Variants in ELOVL5 observed in about 807,000 individuals in gnomAD.
ELOVL5 encodes ELOVL fatty acid elongase 5, also known as very long chain fatty acid elongase 5.
In ELOVL5, 8 loss-of-function variants were observed where a neutral mutation model predicts 38.6. The ratio of observed to expected loss-of-function variants is 0.21; its 90% confidence interval spans 0.12 to 0.37. The LOEUF is 0.37. Ranked by LOEUF, ELOVL5 falls within the 10% of genes least tolerant of loss-of-function variation. The probability of loss-of-function intolerance (pLI) is 1.00; values close to 1 mark genes in which losing one functional copy is unlikely to be tolerated. For synonymous variants in ELOVL5, 127 were observed against 133.7 expected (o/e 0.95, Z 0.34); for missense variants, 280 against 367.8 (o/e 0.76, Z 1.95).
At chr6:53,298,172 G>A (rs566402371) in intron 1 of ELOVL5, among the ~76,000 whole-genome samples, 1 of 152,182 alleles carries the variant, frequency 6.6e-6, no homozygotes, top group South Asian at 2.1e-4. Context: ...ATGTATGGTG[G>A]GCCATGTATA....
chr6:53,309,544 C>T (rs1207524899), intron 1 of ELOVL5, among the ~76,000 whole-genome samples: 1 of 152,108 alleles, frequency 6.6e-6, no homozygotes, highest in Non-Finnish European at 1.5e-5. Context: ...TCTAAGATGC[C>T]CCCAAAGATC....
chr6:53,287,854 A>G (rs1766631640), intron 3 of ELOVL5: 11 of 1,535,318 alleles, frequency 7.2e-6, no homozygotes, highest in Admixed American at 2.0e-5. Flanking sequence ...GCACTGCACA[A>G]CACTGACCCT....
chr6:53,322,867 G>C (rs758989755), intron 1 of ELOVL5, among the ~76,000 whole-genome samples: 1 of 152,176 alleles, frequency 6.6e-6, no homozygotes, highest in Non-Finnish European at 1.5e-5. Context: ...TGAGTTAAGA[G>C]GATTTCATTA....
intron 3 of ELOVL5, 23 bp downstream of exon 3, chr6:53,291,753 G>T: frequency 6.4e-7 from 1 of 1,555,654 alleles, no homozygotes; most frequent in South Asian, 1.2e-5. Context: ...GTGAAAGGAA[G>T]ACTGTGTTAA....
At chr6:53,299,440 G>C (rs912568187) in intron 1 of ELOVL5, among the ~76,000 whole-genome samples, 10 of 152,290 alleles carry the variant, frequency 6.6e-5, no homozygotes, top group African/African-American at 1.9e-4. Flanking sequence ...GGTAACAGTA[G>C]TGGCCCCGGA....
chr6:53,305,765 G>A (rs996210025), intron 1 of ELOVL5, among the ~76,000 whole-genome samples: 3 of 150,798 alleles, frequency 2.0e-5, no homozygotes, highest in South Asian at 2.1e-4. Context: ...GATGATGGGC[G>A]GCCAGGCAGA....
At chr6:53,310,922 CAT>C (rs771231022) in intron 1 of ELOVL5, among the ~76,000 whole-genome samples, 18 of 152,152 alleles carry the variant, frequency 1.2e-4, no homozygotes, top group Non-Finnish European at 2.6e-4. Flanking sequence ...AATTGCTATT[CAT>C]ATGATACATA....
chr6:53,268,567 A>G lies in ELOVL5; in HGVS notation c.*560T>C, dbSNP rs1000294992. 1 of 152,646 alleles carries G rather than the reference A, an allele frequency of 6.6e-6. No individual in the cohort carries two copies. Among genetic ancestry groups the G allele is most frequent in the Non-Finnish European group, 1.5e-5 (1 of 68,048 alleles). The allele number at this position is 152,646 out of a possible 1,614,324, so 9.5% of individuals were successfully genotyped here. A position where few individuals can be genotyped will look rare whatever the true frequency, so the allele number is the denominator to read the frequency against. ...AGGTGCCGTGTCTGATTTCACATCA[A>G]CAAGTCACTGGAAATTATGTCACAT... On this transcript the variant is annotated 3_prime_UTR_variant, in exon 8 of 8. Coordinates refer to ENST00000304434, the MANE Select transcript of ELOVL5 (RefSeq NM_021814.5).
intron 3 of ELOVL5, among the ~76,000 whole-genome samples, chr6:53,291,410 T>C (rs1373149852): frequency 6.6e-6 from 1 of 152,240 alleles, no homozygotes; most frequent in Non-Finnish European, 1.5e-5. Flanking sequence ...AGCAGGCACT[T>C]ATTAGATGCT....
intron 3 of ELOVL5, chr6:53,290,267 TTCTCTA>T (rs1766724986): frequency 6.6e-6 from 1 of 152,210 alleles, no homozygotes; most frequent in African/African-American, 2.4e-5. Context: ...AATGCTTAAG[TTCTCTA>T]AAAATCACAT....
chr6:53,341,701 T>G (rs9349665), intron 1 of ELOVL5, among the ~76,000 whole-genome samples: 2 of 152,118 alleles, frequency 1.3e-5, no homozygotes, highest in African/African-American at 4.8e-5. Flanking sequence ...TGCCCAGCTG[T>G]AGCATGATTT....
Position 53,267,680 on chromosome 6 carries a change from G to A in ELOVL5, c.*1447C>T, listed in dbSNP as rs576587221. On this transcript the variant is annotated 3_prime_UTR_variant, in exon 8 of 8. Coordinates refer to ENST00000304434, the MANE Select transcript of ELOVL5 (RefSeq NM_021814.5). ...AGAACCAATAGGCTCCCTATAGTAC[G>A]AATGTGCAAAATTAAAGCATGGTAA... The A allele has an allele frequency of 1.4e-4, 21 of 152,714 alleles. No homozygotes were observed. The highest frequency in any genetic ancestry group is 4.3e-4 in the African/African-American group (18 of 41,558). The allele number at this position is 152,714 out of a possible 1,614,324, so 9.5% of individuals were successfully genotyped here.
intron 1 of ELOVL5, among the ~76,000 whole-genome samples, chr6:53,309,308 C>T (rs2127582103): frequency 6.6e-6 from 1 of 152,310 alleles, no homozygotes; most frequent in South Asian, 2.1e-4. Flanking sequence ...GCTGCTGCTG[C>T]TGCTGCTGCC....
intron 6 of ELOVL5, among the ~76,000 whole-genome samples, chr6:53,272,726 A>G (rs1765969844): frequency 6.6e-6 from 1 of 152,184 alleles, no homozygotes; most frequent in African/African-American, 2.4e-5. Flanking sequence ...AACAGCTGCC[A>G]TCCTCACCAA....
intron 1 of ELOVL5, among the ~76,000 whole-genome samples, chr6:53,347,815 T>C (rs1769627134): frequency 6.6e-6 from 1 of 151,900 alleles, no homozygotes; most frequent in South Asian, 2.1e-4. Flanking sequence ...CAATTGTGGA[T>C]GGGGCGGGGG....
intron 3 of ELOVL5, chr6:53,277,525 G>C (rs572919491): frequency 6.6e-6 from 1 of 152,282 alleles, no homozygotes; most frequent in African/African-American, 2.4e-5. Flanking sequence ...AAAATGATGA[G>C]GTTGGACTAA....
intron 1 of ELOVL5, among the ~76,000 whole-genome samples, chr6:53,296,612 T>C (rs1162023977): frequency 6.6e-6 from 1 of 152,204 alleles, no homozygotes. Flanking sequence ...TAGAAGTGTG[T>C]ATATATTACT....
chr6:53,347,728 C>T (rs1388617587), intron 1 of ELOVL5, among the ~76,000 whole-genome samples: 1 of 152,190 alleles, frequency 6.6e-6, no homozygotes, highest in Non-Finnish European at 1.5e-5. Context: ...CCCCCCGCCC[C>T]CGACCCCGCC....
intron 2 of ELOVL5, among the ~76,000 whole-genome samples, chr6:53,294,962 A>G (rs1435719957): frequency 6.6e-6 from 1 of 152,214 alleles, no homozygotes; most frequent in Non-Finnish European, 1.5e-5. Flanking sequence ...CACTATTATC[A>G]CTATTATCAT....
Sources: gnomAD v4.1 joint callset for allele counts (sites outside exome capture counted in the v4.1 genomes callset) on GRCh38, gnomAD v4.1.1 for gene constraint, MANE v1.5 for transcripts, NCBI Gene and HGNC (gene_info 2026-07-23, HGNC 2026-07-21) for gene names.